GPC6: variants seen among roughly 807,000 people sequenced by gnomAD.
The protein encoded by GPC6 is glypican 6.
GPC6 carries 14 observed loss-of-function variants against 55.2 expected under a neutral mutation model. The observed-to-expected ratio is 0.25, with a 90% CI of 0.17 to 0.40. GPC6 has a LOEUF of 0.40. Among genes scored for constraint, GPC6 ranks in the 10% least tolerant of loss-of-function variants. The pLI is 1.00. For synonymous variants in GPC6, 278 were observed against 259.6 expected (o/e 1.07, Z -0.68); for missense variants, 641 against 708.5 (o/e 0.90, Z 1.08).
At chr13:93,980,829 G>A (rs184701698) in intron 3 of GPC6, among the ~76,000 whole-genome samples, 215 of 152,170 alleles carry the variant, frequency 1.4e-3, no homozygotes, top group South Asian at 7.9e-3. Context: ...GGATAAGGCT[G>A]AAACCATATC....
At chr13:93,686,645 C>T (rs1023296183) in intron 2 of GPC6, among the ~76,000 whole-genome samples, 4 of 152,102 alleles carry the variant, frequency 2.6e-5, no homozygotes, top group Non-Finnish European at 4.4e-5. Context: ...AATGAGTAAA[C>T]ATACATTGTG....
chr13:94,003,300 A>C (rs913254782), intron 3 of GPC6, among the ~76,000 whole-genome samples: 3 of 152,200 alleles, frequency 2.0e-5, no homozygotes, highest in Non-Finnish European at 2.9e-5. Context: ...GTCTAATTAT[A>C]AGTTTAAGAA....
Position 93,555,129 on chromosome 13 carries a change from A to G in GPC6, c.319+9708A>G, listed in dbSNP as rs188646922. 2.8e-4 allele frequency among the ~76,000 whole-genome samples: 43 copies of G among 152,260 alleles called. No individual in the cohort carries two copies. The East Asian group carries it at 6.2e-3, about 22-fold the overall frequency. ...GTTTTATTTTTTAAAATTTATTTGCATGTTTTCTCCTTTTGAAAGAATAGT... is the reference window on the plus strand; with the variant it reads ...GTTTTATTTTTTAAAATTTATTTGCGTGTTTTCTCCTTTTGAAAGAATAGT... On this transcript the variant is annotated intron_variant, in intron 2 of 8. Transcript: ENST00000377047.
At chr13:93,907,483 T>C (rs1305494692) in intron 3 of GPC6, among the ~76,000 whole-genome samples, 1 of 152,186 alleles carries the variant, frequency 6.6e-6, no homozygotes, top group Non-Finnish European at 1.5e-5. Flanking sequence ...CCTTAATCAC[T>C]TATTTTTAAA....
intron 3 of GPC6, among the ~76,000 whole-genome samples, chr13:94,004,520 A>T (rs1881934477): frequency 6.6e-6 from 1 of 152,160 alleles, no homozygotes; most frequent in Admixed American, 6.5e-5. Flanking sequence ...AATTGAACTT[A>T]ATCCTTTTTA....
chr13:94,127,086 C>T (rs1397487567), intron 4 of GPC6, among the ~76,000 whole-genome samples: 1 of 151,972 alleles, frequency 6.6e-6, no homozygotes, highest in Non-Finnish European at 1.5e-5. Context: ...CCTAGGATGT[C>T]ACAACTGAAC....
chr13:93,385,732 A>C (rs1566329404), intron 1 of GPC6, among the ~76,000 whole-genome samples: 1 of 152,088 alleles, frequency 6.6e-6, no homozygotes, highest in Non-Finnish European at 1.5e-5. Context: ...TTCTCCCCAG[A>C]TTTTGTTTCT....
chr13:93,510,273 A>G (rs779781500), intron 1 of GPC6, among the ~76,000 whole-genome samples: 6 of 152,058 alleles, frequency 3.9e-5, no homozygotes, highest in Non-Finnish European at 7.4e-5. Context: ...CCTTCTAACT[A>G]TATGTTTGTA....
chr13:94,386,266 A>G (rs549206867), intron 7 of GPC6, among the ~76,000 whole-genome samples: 1 of 152,236 alleles, frequency 6.6e-6, no homozygotes, highest in South Asian at 2.1e-4. Flanking sequence ...AGGCTGAGGC[A>G]GGAGAATGGC....
intron 1 of GPC6, among the ~76,000 whole-genome samples, chr13:93,248,487 T>C (rs1876678622): frequency 2.0e-5 from 3 of 150,606 alleles, no homozygotes; most frequent in African/African-American, 4.9e-5. Flanking sequence ...ATTACTATAA[T>C]CAGGAAAAAT....
At chr13:93,787,507 T>C (rs1885850876) in intron 2 of GPC6, among the ~76,000 whole-genome samples, 1 of 152,244 alleles carries the variant, frequency 6.6e-6, no homozygotes, top group Admixed American at 6.5e-5. Flanking sequence ...ATGTCAGTAA[T>C]GTGAATATGC....
At chr13:94,274,601 A>G (rs1193909641) in intron 4 of GPC6, among the ~76,000 whole-genome samples, 1 of 152,210 alleles carries the variant, frequency 6.6e-6, no homozygotes, top group African/African-American at 2.4e-5. Flanking sequence ...GAAAATCAAC[A>G]ATTTGATGTT....
chr13:93,550,347 A>G (rs1193930198), intron 2 of GPC6, among the ~76,000 whole-genome samples: 1 of 152,108 alleles, frequency 6.6e-6, no homozygotes, highest in Non-Finnish European at 1.5e-5. Context: ...GGAGCTCCAT[A>G]TGAAGTTTTT....
chr13:94,056,090 A>G (rs1199088347), intron 4 of GPC6, among the ~76,000 whole-genome samples: 1 of 152,126 alleles, frequency 6.6e-6, no homozygotes, highest in African/African-American at 2.4e-5. Flanking sequence ...TGTATCTCCA[A>G]GTGTGTGATT....
chr13:94,350,868 G>T (rs988649726), intron 6 of GPC6, among the ~76,000 whole-genome samples: 5 of 152,162 alleles, frequency 3.3e-5, no homozygotes, highest in African/African-American at 1.2e-4. Context: ...TATCTCAGTA[G>T]AACATGAGGG....
At chr13:94,124,929 G>A (rs1343089456) in intron 4 of GPC6, among the ~76,000 whole-genome samples, 3 of 152,092 alleles carry the variant, frequency 2.0e-5, no homozygotes, top group Non-Finnish European at 4.4e-5. Flanking sequence ...ACTGTACTTT[G>A]CCAGGCAATT....
rs553994697 is a variant in GPC6, at chr13:93,538,095, A to G, written c.161-7168A>G. 5.3e-5 allele frequency among the ~76,000 whole-genome samples: 8 copies of G among 152,258 alleles called. No homozygotes were observed. The South Asian group carries it at 1.7e-3, about 32-fold the overall frequency. On this transcript the variant is annotated intron_variant, in intron 1 of 8. Transcript: ENST00000377047. ...TTGCAGTTTAAGGAACACCCAGCCC[A>G]TGTGGAAACATAAGCTGGAACTACA...
intron 3 of GPC6, among the ~76,000 whole-genome samples, chr13:93,882,445 A>G (rs1382527815): frequency 6.6e-6 from 1 of 152,044 alleles, no homozygotes; most frequent in Non-Finnish European, 1.5e-5. Flanking sequence ...GTGCCTGGGC[A>G]GTTTTCCAAA....
At position 94,253,162 on chromosome 13, in the gene GPC6, C is replaced by A. The variant is rs1360173766; in HGVS notation, c.878-33187C>A. ...ATTATATCTGCACACAGTGTATGTT[C>A]AACATATAATCTCTTCCACACTTAC... On this transcript the variant is annotated intron_variant, in intron 4 of 8. Transcript: ENST00000377047. Among the ~76,000 whole-genome samples the A allele has an allele frequency of 3.9e-5, 6 of 151,992 alleles. No homozygotes were observed. In the South Asian group the frequency reaches 1.0e-3, roughly 26 times the overall value.
Sources: gnomAD v4.1 joint callset for allele counts (sites outside exome capture counted in the v4.1 genomes callset) on GRCh38, gnomAD v4.1.1 for gene constraint, MANE v1.5 for transcripts, NCBI Gene and HGNC (gene_info 2026-07-23, HGNC 2026-07-21) for gene names.